Variants in KAZN observed in about 807,000 individuals in gnomAD.
KAZN encodes the protein kazrin.
In KAZN, 40 loss-of-function variants were observed where a neutral mutation model predicts 87.4. That is an observed-to-expected ratio of 0.46 (90% CI 0.36 to 0.60). KAZN has a LOEUF of 0.60. Ranked by LOEUF, KAZN falls within the 20% of genes least tolerant of loss-of-function variation. The pLI, the probability that KAZN is intolerant of heterozygous loss-of-function variation, is 0.00. For missense variants in KAZN, 898 were observed against 1,073.9 expected (o/e 0.84, Z 2.29); for synonymous variants, 466 against 458.3 (o/e 1.02, Z -0.22).
chr1:14,717,187 T>C (rs1194482014), intron 1 of KAZN, among the ~76,000 whole-genome samples: 1 of 151,472 alleles, frequency 6.6e-6, no homozygotes, highest in Non-Finnish European at 1.5e-5. Flanking sequence ...TCCCCCCTAC[T>C]CACTGGATGT....
intron 1 of KAZN, among the ~76,000 whole-genome samples, chr1:14,876,601 G>A (rs1652796629): frequency 6.6e-6 from 1 of 152,166 alleles, no homozygotes; most frequent in Non-Finnish European, 1.5e-5. Context: ...CCCCTTACCA[G>A]CTCTGTGACC....
chr1:14,886,273 A>T (rs111851166), intron 1 of KAZN, among the ~76,000 whole-genome samples: 4,172 of 152,132 alleles, frequency 0.027, 201 homozygotes, highest in African/African-American at 0.095. Context: ...AGATTAAAAA[A>T]TCAGCTGGGC....
chr1:14,104,300 A>T (rs992767835), intron 1 of KAZN, among the ~76,000 whole-genome samples: 6 of 151,992 alleles, frequency 3.9e-5, no homozygotes, highest in Non-Finnish European at 7.4e-5. Flanking sequence ...TCAACTCTTG[A>T]CTCAACATCC....
intron 2 of KAZN, among the ~76,000 whole-genome samples, chr1:14,978,265 C>A (rs893381068): frequency 1.3e-5 from 2 of 152,168 alleles, no homozygotes; most frequent in African/African-American, 4.8e-5. Context: ...TTCAGCCCAG[C>A]CTTTTCGAGC....
intron 1 of KAZN, among the ~76,000 whole-genome samples, chr1:14,695,508 A>ATTTTTTTTTTTTTTTT (rs1230082930): frequency 3.0e-5 from 2 of 67,782 alleles, no homozygotes; most frequent in African/African-American, 5.4e-5. Context: ...ACTACATTCC[A>ATTTTTTTTTTTTTTTT]TCTTTTTTTT....
At chr1:15,014,768 G>A (rs1478014114) in intron 2 of KAZN, among the ~76,000 whole-genome samples, 1 of 151,896 alleles carries the variant, frequency 6.6e-6, no homozygotes, top group African/African-American at 2.4e-5. Context: ...GTCAGCTTGT[G>A]GGGCTGAGGC....
chr1:14,923,299 C>T lies in KAZN; in HGVS notation c.227-37385C>T, dbSNP rs1658761162. ...GATAATTAGTCTTTCTAAACAGCATCGTAATCCCCAGATCAAAGGGGGCTC... is the reference window on the plus strand; with the variant it reads ...GATAATTAGTCTTTCTAAACAGCATTGTAATCCCCAGATCAAAGGGGGCTC... On this transcript the variant is annotated intron_variant, in intron 1 of 14. Coordinates refer to ENST00000376030, the MANE Select transcript of KAZN (RefSeq NM_201628.3). This position sits in a 1 kb window ranked among gnomAD's most constrained non-coding sequence, Gnocchi z 4.2. Among the ~76,000 whole-genome samples the T allele has an allele frequency of 6.6e-6, 1 of 152,156 alleles. No homozygotes were observed. The highest frequency in any genetic ancestry group is 6.5e-5 in the Admixed American group (1 of 15,278).
rs150418409 is a variant in KAZN, at chr1:14,661,792, T to C, written c.226+62569T>C. Among the ~76,000 whole-genome samples, 91 of 152,246 alleles carry C rather than the reference T, an allele frequency of 6.0e-4. 1 individual carries two copies. The highest frequency in any genetic ancestry group is 2.1e-3 in the African/African-American group (86 of 41,552). On this transcript the variant is annotated intron_variant, in intron 1 of 14. Coordinates refer to ENST00000376030, the MANE Select transcript of KAZN (RefSeq NM_201628.3). Reference sequence around the variant, plus strand: ...TTAGCTGAGCATGGTGGCACATACCTGTAATCCTAGCTGCTTGGGTGGCTG... The same window carrying C: ...TTAGCTGAGCATGGTGGCACATACCCGTAATCCTAGCTGCTTGGGTGGCTG...
chr1:14,340,888 C>CTTTTT (rs3085672), intron 2 of KAZN, among the ~76,000 whole-genome samples: 40,434 of 100,750 alleles, frequency 0.4, 9,563 homozygotes, highest in East Asian at 0.5. Flanking sequence ...ATGATTTTCC[C>CTTTTT]TTTTTTTTTT....
chr1:14,527,150 T>G (rs1295013242), intron 2 of KAZN, among the ~76,000 whole-genome samples: 1 of 152,218 alleles, frequency 6.6e-6, no homozygotes, highest in Admixed American at 6.5e-5. Flanking sequence ...GGGTCATTCA[T>G]GAAGTCGTAG....
chr1:14,155,104 A>G (rs961535009), intron 1 of KAZN, among the ~76,000 whole-genome samples: 1 of 152,130 alleles, frequency 6.6e-6, no homozygotes, highest in African/African-American at 2.4e-5. Flanking sequence ...TAGTTGGAGT[A>G]TGATTGCTAT....
chr1:15,082,693 GT>G (rs1419066712), intron 8 of KAZN, among the ~76,000 whole-genome samples: 1 of 152,070 alleles, frequency 6.6e-6, no homozygotes, highest in Non-Finnish European at 1.5e-5. Context: ...GTTTGTTTTT[GT>G]TTGTTTTGTT....
intron 1 of KAZN, among the ~76,000 whole-genome samples, chr1:14,811,815 T>C (rs1646419068): frequency 6.6e-6 from 1 of 152,218 alleles, no homozygotes; most frequent in East Asian, 1.9e-4. Flanking sequence ...AAATGCATAT[T>C]ATGATGATCC....
chr1:14,996,207 G>A lies in KAZN; in HGVS notation c.418+35332G>A, dbSNP rs1667848054. Among the ~76,000 whole-genome samples the A allele has an allele frequency of 6.6e-6, 1 of 152,138 alleles. No homozygotes were observed. Among genetic ancestry groups the A allele is most frequent in the South Asian group, 2.1e-4 (1 of 4,824 alleles). On this transcript the variant is annotated intron_variant, in intron 2 of 14. Coordinates refer to ENST00000376030, the MANE Select transcript of KAZN (RefSeq NM_201628.3). This position sits in a 1 kb window ranked among gnomAD's most constrained non-coding sequence, Gnocchi z 5.9. ...ATGCCCCGCCCACTCCACCCCCAGT[G>A]CCTGGCATCTTGAACAGGGGTCACT...
At chr1:13,969,129 A>T (rs550879713) in intron 1 of KAZN, among the ~76,000 whole-genome samples, 14 of 152,356 alleles carry the variant, frequency 9.2e-5, no homozygotes, top group African/African-American at 3.4e-4. Flanking sequence ...GCAGTAAACA[A>T]AAAACAAGTT....
intron 1 of KAZN, among the ~76,000 whole-genome samples, chr1:14,134,261 T>TA (rs754484711): frequency 2.0e-5 from 3 of 151,942 alleles, no homozygotes; most frequent in African/African-American, 4.8e-5. Flanking sequence ...ACTATATGGT[T>TA]AAAAAAAACC....
intron 1 of KAZN, among the ~76,000 whole-genome samples, chr1:14,176,189 T>C (rs1646071079): frequency 6.6e-6 from 1 of 152,162 alleles, no homozygotes; most frequent in East Asian, 1.9e-4. Flanking sequence ...CCCCTACCCT[T>C]TCTCTTCCCC....
At chr1:14,700,929 C>T (rs894848027) in intron 1 of KAZN, among the ~76,000 whole-genome samples, 12 of 152,250 alleles carry the variant, frequency 7.9e-5, no homozygotes, top group Admixed American at 2.6e-4. Flanking sequence ...CCTGGCTCTG[C>T]TCTCAATGGG....
intron 1 of KAZN, among the ~76,000 whole-genome samples, chr1:14,627,668 G>A (rs1266533465): frequency 6.6e-6 from 1 of 152,142 alleles, no homozygotes; most frequent in Non-Finnish European, 1.5e-5. Context: ...TATGTTCAAT[G>A]ACTCCCAGCC....
Sources: allele counts gnomAD v4.1 joint callset (sites outside exome capture counted in the v4.1 genomes callset), GRCh38; gene constraint gnomAD v4.1.1; non-coding constraint Gnocchi (gnomAD v3.1); transcripts MANE v1.5; gene names NCBI Gene and HGNC (gene_info 2026-07-23, HGNC 2026-07-21).